The following OPCML variants were observed in gnomAD, a reference collection of about 807,000 sequenced individuals.
OPCML encodes opioid binding protein/cell adhesion molecule like.
OPCML carries 13 observed loss-of-function variants against 37.8 expected under a neutral mutation model. The ratio of observed to expected loss-of-function variants is 0.34; its 90% CI spans 0.22 to 0.55. The LOEUF (loss-of-function observed/expected upper bound fraction) is 0.55, where lower values mean the gene tolerates loss of function less well. Among genes scored for constraint, OPCML ranks in the 20% least tolerant of loss-of-function variants. OPCML has a pLI of 0.91. For synonymous variants in OPCML, 176 were observed against 168.8 expected, an observed-to-expected ratio of 1.04 and a Z score of -0.33; for missense variants, 341 against 435.6, an observed-to-expected ratio of 0.78 and a Z score of 1.93.
intron 1 of OPCML, among the ~76,000 whole-genome samples, chr11:133,369,491 G>T (rs969684411): frequency 2.0e-5 from 3 of 152,182 alleles, no homozygotes; most frequent in Non-Finnish European, 4.4e-5. Flanking sequence ...AAGAGTGGTA[G>T]CAGTAAATAA....
chr11:132,770,496 C>T (rs1333304029), intron 2 of OPCML, among the ~76,000 whole-genome samples: 1 of 152,168 alleles, frequency 6.6e-6, no homozygotes, highest in South Asian at 2.1e-4. Context: ...CTCTTCCCAA[C>T]TTCCCCAGGT....
chr11:133,485,512 AT>A (rs1947507654), intron 1 of OPCML, among the ~76,000 whole-genome samples: 1 of 152,076 alleles, frequency 6.6e-6, no homozygotes, highest in Non-Finnish European at 1.5e-5. Flanking sequence ...TCAGTAAACA[AT>A]TTTCCTTTCT....
chr11:132,910,463 T>C (rs1328996800), intron 2 of OPCML, among the ~76,000 whole-genome samples: 1 of 152,202 alleles, frequency 6.6e-6, no homozygotes, highest in Non-Finnish European at 1.5e-5. Flanking sequence ...GAATAAAACT[T>C]GGAAATTCCA....
intron 2 of OPCML, among the ~76,000 whole-genome samples, chr11:132,702,749 T>C (rs552290490): frequency 2.6e-4 from 40 of 151,546 alleles, no homozygotes; most frequent in African/African-American, 8.5e-4. Flanking sequence ...TTTTTCACTC[T>C]TTTTTTTTCT....
At chr11:132,426,589 T>C (rs1282037938) in intron 7 of OPCML, among the ~76,000 whole-genome samples, 1 of 152,118 alleles carries the variant, frequency 6.6e-6, no homozygotes, top group Non-Finnish European at 1.5e-5. Context: ...TGCACCACCA[T>C]GTCTGGCTAA....
chr11:132,810,880 AGC>A (rs1231989184), intron 2 of OPCML: 1 of 152,218 alleles, frequency 6.6e-6, no homozygotes, highest in Non-Finnish European at 1.5e-5. Context: ...AGTTCAGGCC[AGC>A]TCCTTGACCT....
At chr11:133,394,417 A>G (rs1945243722) in intron 1 of OPCML, among the ~76,000 whole-genome samples, 1 of 152,164 alleles carries the variant, frequency 6.6e-6, no homozygotes, top group African/African-American at 2.4e-5. Flanking sequence ...TAATCCAATT[A>G]TACTCTTTTG....
At chr11:132,669,313 C>A (rs1359290299) in intron 2 of OPCML, among the ~76,000 whole-genome samples, 1 of 152,058 alleles carries the variant, frequency 6.6e-6, no homozygotes, top group Non-Finnish European at 1.5e-5. Flanking sequence ...TGATGGGAAT[C>A]AGATCACAGG....
intron 1 of OPCML, among the ~76,000 whole-genome samples, chr11:133,060,282 A>G (rs1437812723): frequency 1.3e-5 from 2 of 151,046 alleles, no homozygotes; most frequent in African/African-American, 4.9e-5. Flanking sequence ...AAGAGTATTT[A>G]CTACTGGTGT....
intron 1 of OPCML, among the ~76,000 whole-genome samples, chr11:132,968,728 G>C (rs753371403): frequency 6.6e-6 from 1 of 152,164 alleles, no homozygotes; most frequent in Admixed American, 6.5e-5. Flanking sequence ...TGCTATGATT[G>C]CTTATTAGTT....
intron 3 of OPCML, among the ~76,000 whole-genome samples, chr11:132,647,599 G>A (rs1565742623): frequency 6.6e-6 from 1 of 152,156 alleles, no homozygotes; most frequent in African/African-American, 2.4e-5. Context: ...ATAAGGAAGA[G>A]AAAATATATT....
intron 1 of OPCML, among the ~76,000 whole-genome samples, chr11:133,257,580 A>G (rs1447399018): frequency 6.6e-6 from 1 of 152,196 alleles, no homozygotes; most frequent in Non-Finnish European, 1.5e-5. Flanking sequence ...CTGAGCTACA[A>G]TACTGTGTCC....
intron 1 of OPCML, chr11:133,118,491 A>G: frequency 1.2e-6 from 1 of 847,002 alleles, no homozygotes; most frequent in South Asian, 5.4e-5. Flanking sequence ...CATTTGGTCA[A>G]GGAGACAGGA....
Position 133,391,830 on chromosome 11 carries a change from A to G in OPCML, c.61+140434T>C, listed in dbSNP as rs553969000. On this transcript the variant is annotated intron_variant, in intron 1 of 7. Coordinates refer to ENST00000524381, the MANE Select transcript of OPCML (RefSeq NM_001012393.5). Reference sequence around the variant, plus strand: ...CCCATTTAACATTCCAATCAATCTGAGAGTTAGGCTTTATTTTTCTCTCAT... The same window carrying G: ...CCCATTTAACATTCCAATCAATCTGGGAGTTAGGCTTTATTTTTCTCTCAT... 7.2e-4 allele frequency among the ~76,000 whole-genome samples: 109 copies of G among 152,300 alleles called. 1 individual carries two copies. Among genetic ancestry groups the G allele is most frequent in the Non-Finnish European group, 4.4e-5 (3 of 68,024 alleles).
chr11:133,363,248 C>T (rs184899292), intron 1 of OPCML, among the ~76,000 whole-genome samples: 1 of 152,164 alleles, frequency 6.6e-6, no homozygotes, highest in African/African-American at 2.4e-5. Context: ...ATGGAGACAG[C>T]GCTTCCTACA....
At chr11:132,810,172 C>G (rs1044280018) in intron 2 of OPCML, among the ~76,000 whole-genome samples, 2 of 152,140 alleles carry the variant, frequency 1.3e-5, no homozygotes, top group African/African-American at 2.4e-5. Context: ...TCTGAGCTAG[C>G]CTTCCAAGGG....
intron 1 of OPCML, among the ~76,000 whole-genome samples, chr11:133,120,311 G>A (rs1362828947): frequency 1.3e-4 from 20 of 152,114 alleles, no homozygotes; most frequent in Non-Finnish European, 1.5e-5. Flanking sequence ...CCATTTCAAA[G>A]ACGAGTCAGT....
chr11:132,935,053 C>T (rs1375859393), intron 2 of OPCML, among the ~76,000 whole-genome samples: 5 of 151,634 alleles, frequency 3.3e-5, no homozygotes, highest in Non-Finnish European at 5.9e-5. Flanking sequence ...GCAGGAGAAT[C>T]GCTTGAACCC....
intron 3 of OPCML, among the ~76,000 whole-genome samples, chr11:132,561,296 T>A (rs1165225991): frequency 6.6e-6 from 1 of 152,234 alleles, no homozygotes; most frequent in African/African-American, 2.4e-5. Context: ...TCCACATTGA[T>A]GAGAAAGCCC....
Sources: gnomAD v4.1 joint callset for allele counts (sites outside exome capture counted in the v4.1 genomes callset) on GRCh38, gnomAD v4.1.1 for gene constraint, MANE v1.5 for transcripts, NCBI Gene and HGNC (gene_info 2026-07-23, HGNC 2026-07-21) for gene names.